Variants in CSMD1 observed in about 807,000 individuals in gnomAD.
CSMD1 encodes CUB and sushi domain-containing protein 1.
Under a neutral mutation model 417.5 loss-of-function variants are expected in CSMD1, and 213 were observed. The observed-to-expected ratio is 0.51, with a 90% CI of 0.46 to 0.57. The LOEUF (loss-of-function observed/expected upper bound fraction) is 0.57, where lower values mean the gene tolerates loss of function less well. CSMD1 is among the 20% of genes least tolerant of loss of function. The pLI, the probability that CSMD1 is intolerant of heterozygous loss-of-function variation, is 0.00. For synonymous variants in CSMD1, 2,862 were observed against 1,736.8 expected (o/e 1.65, Z -16.11); for missense variants, 6,923 against 4,529.7 (o/e 1.53, Z -15.17).
At chr8:3,786,001 G>C (rs1178290219) in intron 5 of CSMD1, among the ~76,000 whole-genome samples, 1 of 152,190 alleles carries the variant, frequency 6.6e-6, no homozygotes, top group Non-Finnish European at 1.5e-5. Context: ...ACTTAGGCTG[G>C]GCTGGTGGGC....
chr8:4,042,292 G>A (rs570924528), intron 3 of CSMD1, among the ~76,000 whole-genome samples: 2 of 152,230 alleles, frequency 1.3e-5, no homozygotes, highest in African/African-American at 4.8e-5. Context: ...CCTACTAGTG[G>A]GGGTAGGAGT....
At chr8:3,842,223 T>A (rs1476009944) in intron 5 of CSMD1, among the ~76,000 whole-genome samples, 1 of 152,142 alleles carries the variant, frequency 6.6e-6, no homozygotes, top group African/African-American at 2.4e-5. Flanking sequence ...TCTTGTAGAA[T>A]CATCTGCTTG....
rs538173067 is a variant in CSMD1, at chr8:4,165,821, G to T, written c.416-133722C>A. On this transcript the variant is annotated intron_variant, in intron 3 of 69. Coordinates refer to ENST00000635120, the MANE Select transcript of CSMD1 (RefSeq NM_033225.6). ...AGCCGCATTATGTCACTCTTACTAG[G>T]TTGTTGCAAAACTAATTGCGTTTTT... is the stretch of plus-strand genomic sequence containing the variant. Among the ~76,000 whole-genome samples, 4 of 152,262 alleles carry T rather than the reference G, an allele frequency of 2.6e-5. No individual in the cohort carries two copies. In the East Asian group the frequency reaches 5.8e-4, roughly 22 times the overall value.
rs1389472825 is a variant in CSMD1, at chr8:4,075,475, C to T, written c.416-43376G>A. On this transcript the variant is annotated intron_variant, in intron 3 of 69. Coordinates refer to ENST00000635120, the MANE Select transcript of CSMD1 (RefSeq NM_033225.6). ...TGTTTTCTGTCCAAATCTCTTGTTA[C>T]AGGTAAAATAAAGTGGCAAATGAAT... 3.3e-5 allele frequency among the ~76,000 whole-genome samples: 5 copies of T among 151,950 alleles called. No homozygotes were observed. In the East Asian group the frequency reaches 7.7e-4, roughly 23 times the overall value.
At chr8:4,724,753 C>T (rs569917604) in intron 1 of CSMD1, among the ~76,000 whole-genome samples, 3 of 152,014 alleles carry the variant, frequency 2.0e-5, no homozygotes, top group African/African-American at 7.2e-5. Context: ...AAGCATTTAT[C>T]ACGTTTTTTA....
intron 3 of CSMD1, among the ~76,000 whole-genome samples, chr8:4,224,658 A>T (rs542768593): frequency 6.6e-6 from 1 of 152,224 alleles, no homozygotes; most frequent in Non-Finnish European, 1.5e-5. Flanking sequence ...AGATAAGTGG[A>T]TAGAATTCCC....
intron 3 of CSMD1, among the ~76,000 whole-genome samples, chr8:4,113,653 C>T (rs1029294429): frequency 6.6e-5 from 10 of 152,122 alleles, no homozygotes; most frequent in Non-Finnish European, 1.3e-4. Flanking sequence ...ATCCACCCGC[C>T]TCCACCTCCC....
chr8:3,805,452 C>A (rs1238904155), intron 5 of CSMD1, among the ~76,000 whole-genome samples: 1 of 152,152 alleles, frequency 6.6e-6, no homozygotes, highest in Non-Finnish European at 1.5e-5. Context: ...CAGAAATGAT[C>A]TACTCCCTCC....
At chr8:3,209,315 A>G (rs995456855) in intron 30 of CSMD1, among the ~76,000 whole-genome samples, 4 of 150,564 alleles carry the variant, frequency 2.7e-5, no homozygotes, top group Non-Finnish European at 3.0e-5. Flanking sequence ...TTATTTATTT[A>G]TTTATATTTA....
chr8:4,578,262 G>GC (rs1799232665), intron 2 of CSMD1, among the ~76,000 whole-genome samples: 1 of 148,632 alleles, frequency 6.7e-6, no homozygotes, highest in Non-Finnish European at 1.5e-5. Context: ...CCGGGTTCAC[G>GC]CCATTCTCCT....
At chr8:4,348,648 GGAGAGA>G (rs750381880) in intron 3 of CSMD1, among the ~76,000 whole-genome samples, 1 of 110,428 alleles carries the variant, frequency 9.1e-6, no homozygotes, top group Non-Finnish European at 1.9e-5. Context: ...AGAGGGAGGG[GGAGAGA>G]GAGAGAGAGA....
intron 3 of CSMD1, among the ~76,000 whole-genome samples, chr8:4,376,594 C>A (rs1802758331): frequency 6.6e-6 from 1 of 151,274 alleles, no homozygotes; most frequent in Non-Finnish European, 1.5e-5. Context: ...TTGAGTTAGT[C>A]TGACAATTTT....
intron 3 of CSMD1, among the ~76,000 whole-genome samples, chr8:4,271,743 T>A (rs1330832218): frequency 6.6e-6 from 1 of 152,186 alleles, no homozygotes; most frequent in African/African-American, 2.4e-5. Context: ...ATGATTAATA[T>A]ACTTATACAT....
intron 4 of CSMD1, among the ~76,000 whole-genome samples, chr8:4,019,926 A>C (rs992873507): frequency 3.3e-5 from 5 of 152,026 alleles, no homozygotes; most frequent in Non-Finnish European, 5.9e-5. Flanking sequence ...AAAAAAAAAA[A>C]AAAAACCCTT....
chr8:3,771,156 G>A (rs1798550051), intron 5 of CSMD1, among the ~76,000 whole-genome samples: 1 of 152,006 alleles, frequency 6.6e-6, no homozygotes, highest in African/African-American at 2.4e-5. Flanking sequence ...TCAACACACT[G>A]GAATTATGAC....
intron 1 of CSMD1, among the ~76,000 whole-genome samples, chr8:4,933,373 C>G (rs1046303274): frequency 1.3e-5 from 2 of 152,146 alleles, no homozygotes; most frequent in Non-Finnish European, 2.9e-5. Flanking sequence ...ACTGTAAGTG[C>G]TGCTTCCTCC....
At chr8:4,286,748 T>G (rs1454710764) in intron 3 of CSMD1, among the ~76,000 whole-genome samples, 3 of 152,204 alleles carry the variant, frequency 2.0e-5, no homozygotes, top group Admixed American at 2.0e-4. Context: ...ATCTGATGCT[T>G]GATAAATATT....
Position 3,525,548 on chromosome 8 carries a change from T to A in CSMD1, c.1345-31822A>T, listed in dbSNP as rs566373004. Among the ~76,000 whole-genome samples the A allele has an allele frequency of 2.6e-5, 4 of 152,276 alleles. 1 individual carries two copies. The East Asian group carries it at 5.8e-4, about 22-fold the overall frequency. Reference sequence around the variant, plus strand: ...ACTCTGAAAATATTGGTGAAAGCGATTGCCTCTCTTGACAGTTCAGGGAAC... The same window carrying A: ...ACTCTGAAAATATTGGTGAAAGCGAATGCCTCTCTTGACAGTTCAGGGAAC... On this transcript the variant is annotated intron_variant, in intron 10 of 69. Coordinates refer to ENST00000635120, the MANE Select transcript of CSMD1 (RefSeq NM_033225.6).
intron 1 of CSMD1, among the ~76,000 whole-genome samples, chr8:4,911,262 T>G (rs1003406388): frequency 6.6e-6 from 1 of 152,224 alleles, no homozygotes; most frequent in Non-Finnish European, 1.5e-5. Flanking sequence ...TGTCCACCAG[T>G]CGTAATTTCT....
Sources: allele counts gnomAD v4.1 joint callset (sites outside exome capture counted in the v4.1 genomes callset), GRCh38; gene constraint gnomAD v4.1.1; transcripts MANE v1.5; gene names NCBI Gene and HGNC (gene_info 2026-07-23, HGNC 2026-07-21).